Variants in NCKAP5 observed in about 807,000 individuals in gnomAD.
NCKAP5 encodes NCK associated protein 5.
A neutral mutation model predicts 167.0 loss-of-function variants in NCKAP5; 92 were observed. The observed-to-expected ratio is 0.55, with a 90% CI of 0.47 to 0.66. The LOEUF (loss-of-function observed/expected upper bound fraction) is 0.66, where lower values mean the gene tolerates loss of function less well. Among genes scored for constraint, NCKAP5 ranks in the 30% least tolerant of loss-of-function variants. The pLI is 0.00. For synonymous variants in NCKAP5, 891 were observed against 877.4 expected (o/e 1.02, Z -0.27); for missense variants, 2,378 against 2,315.0 (o/e 1.03, Z -0.56).
chr2:133,583,753 CT>C, the NCKAP5 span, among the ~76,000 whole-genome samples: 45 of 150,254 alleles, frequency 3.0e-4, no homozygotes, highest in Non-Finnish European at 3.7e-4. Flanking sequence ...TGATATAAAC[CT>C]TTTTTTTTTC....
intron 6 of NCKAP5, among the ~76,000 whole-genome samples, chr2:133,061,181 C>T (rs1444649563): frequency 2.0e-5 from 3 of 152,080 alleles, no homozygotes; most frequent in Non-Finnish European, 4.4e-5. Context: ...AGTTCCAATG[C>T]ATTTGGACAA....
chr2:132,767,018 CCT>C (rs1211869024), intron 16 of NCKAP5, among the ~76,000 whole-genome samples: 8 of 152,154 alleles, frequency 5.3e-5, no homozygotes, highest in African/African-American at 1.9e-4. Flanking sequence ...CTCCAAACCT[CCT>C]CTGTTTGGCT....
chr2:133,303,103 A>ATGTAG lies in NCKAP5; in HGVS notation c.76_77insCTACA (p.Met26ThrfsTer13). The ATGTAG allele has an allele frequency of 6.3e-7, 1 of 1,584,912 alleles. No homozygotes were observed. Among genetic ancestry groups the ATGTAG allele is most frequent in the Non-Finnish European group, 8.6e-7 (1 of 1,164,384 alleles). On this transcript the variant is annotated frameshift_variant, in exon 4 of 20. Coordinates refer to ENST00000409261, the MANE Select transcript of NCKAP5 (RefSeq NM_207363.3). LOFTEE classifies it high-confidence loss of function. ...ATGCTCAATGTATTTATTGGAGTCCATGTATTCCTGCACAAGCAGACAAAG... is the reference window on the plus strand; with the variant it reads ...ATGCTCAATGTATTTATTGGAGTCCATGTAGTGTATTCCTGCACAAGCAGACAAAG...
chr2:133,252,613 C>T (rs1413208673), intron 4 of NCKAP5, among the ~76,000 whole-genome samples: 1 of 152,142 alleles, frequency 6.6e-6, no homozygotes, highest in African/African-American at 2.4e-5. Flanking sequence ...TGCCCTGTCA[C>T]TGATTTAGAC....
chr2:133,670,403 A>C, the NCKAP5 span, among the ~76,000 whole-genome samples: 54,882 of 152,098 alleles, frequency 0.36, 10,129 homozygotes, highest in African/African-American at 0.39. Flanking sequence ...ATTATTGCCT[A>C]TAAGTAGTCT....
chr2:133,093,356 C>T (rs578088615), intron 6 of NCKAP5, among the ~76,000 whole-genome samples: 6 of 152,122 alleles, frequency 3.9e-5, no homozygotes, highest in Non-Finnish European at 5.9e-5. Flanking sequence ...TCTTTAGATG[C>T]AAAAAGTCAT....
At chr2:133,557,929 T>G (rs554499983) in intron 2 of NCKAP5, 4 of 152,336 alleles carry the variant, frequency 2.6e-5, no homozygotes, top group Admixed American at 2.6e-4. Flanking sequence ...GCCTGTGTTG[T>G]GAATCAGGCT....
At chr2:132,796,576 G>T in intron 12 of NCKAP5, 52 bp downstream of exon 12, 1 of 1,291,298 alleles carries the variant, frequency 7.7e-7, no homozygotes, top group Non-Finnish European at 1.1e-6. Context: ...ATATTTGATG[G>T]AAGGAAAATA....
chr2:132,865,008 G>C (rs1205386603), intron 10 of NCKAP5, among the ~76,000 whole-genome samples: 1 of 152,054 alleles, frequency 6.6e-6, no homozygotes, highest in African/African-American at 2.4e-5. Flanking sequence ...TTCGAGTGCT[G>C]CTTTGTTCCC....
intron 6 of NCKAP5, among the ~76,000 whole-genome samples, chr2:133,091,223 A>T (rs1272034324): frequency 6.6e-6 from 1 of 152,118 alleles, no homozygotes; most frequent in East Asian, 1.9e-4. Flanking sequence ...TACCCAGTCC[A>T]AGATATTTCT....
intron 19 of NCKAP5, among the ~76,000 whole-genome samples, chr2:132,722,760 C>A (rs1443310796): frequency 6.6e-6 from 1 of 152,170 alleles, no homozygotes; most frequent in African/African-American, 2.4e-5. Flanking sequence ...AGCTTGGAGT[C>A]ATCCTTGACC....
intron 6 of NCKAP5, among the ~76,000 whole-genome samples, chr2:133,112,950 A>G (rs2081963319): frequency 6.6e-6 from 1 of 152,220 alleles, no homozygotes; most frequent in South Asian, 2.1e-4. Flanking sequence ...GCAAATGGAT[A>G]CGATGAAACG....
intron 4 of NCKAP5, among the ~76,000 whole-genome samples, chr2:133,286,002 T>A (rs987429451): frequency 1.3e-5 from 2 of 151,198 alleles, no homozygotes; most frequent in Non-Finnish European, 3.0e-5. Flanking sequence ...GTGACTTCTT[T>A]TTTTTTTTTT....
the NCKAP5 span, among the ~76,000 whole-genome samples, chr2:133,613,731 T>A: frequency 8.5e-5 from 13 of 152,296 alleles, no homozygotes; most frequent in Admixed American, 6.5e-4. Flanking sequence ...CCACCCTCTT[T>A]ATTCTCTTCC....
At chr2:133,113,143 CCTACCT>C (rs1247517718) in intron 6 of NCKAP5, among the ~76,000 whole-genome samples, 1 of 151,942 alleles carries the variant, frequency 6.6e-6, no homozygotes, top group African/African-American at 2.4e-5. Context: ...GGACAGTGAC[CCTACCT>C]TGGGTGGTGC....
At chr2:133,461,938 T>C (rs1692226291) in intron 3 of NCKAP5, among the ~76,000 whole-genome samples, 1 of 152,176 alleles carries the variant, frequency 6.6e-6, no homozygotes, top group Non-Finnish European at 1.5e-5. Flanking sequence ...TCACTTACTG[T>C]GTCATGTTTC....
chr2:133,400,854 G>C (rs1688053437), intron 3 of NCKAP5, among the ~76,000 whole-genome samples: 1 of 151,926 alleles, frequency 6.6e-6, no homozygotes, highest in South Asian at 2.1e-4. Flanking sequence ...ATATTTATTT[G>C]TTCTGTATCC....
At chr2:133,444,093 C>A (rs1432635117) in intron 3 of NCKAP5, among the ~76,000 whole-genome samples, 2 of 151,844 alleles carry the variant, frequency 1.3e-5, no homozygotes, top group African/African-American at 4.8e-5. Flanking sequence ...TGTTCTCATT[C>A]TCTTGACTGA....
intron 6 of NCKAP5, among the ~76,000 whole-genome samples, chr2:133,042,316 C>T (rs2079242682): frequency 6.6e-6 from 1 of 152,084 alleles, no homozygotes; most frequent in Admixed American, 6.6e-5. Flanking sequence ...TGGTGCCTCA[C>T]TGAGTAGCAC....
Sources: allele counts gnomAD v4.1 joint callset (sites outside exome capture counted in the v4.1 genomes callset), GRCh38; gene constraint gnomAD v4.1.1; transcripts MANE v1.5; gene names NCBI Gene and HGNC (gene_info 2026-07-23, HGNC 2026-07-21).